The following PDZD2 variants were observed in gnomAD, a reference collection of about 807,000 sequenced individuals.
PDZD2 encodes PDZ domain-containing protein 2.
PDZD2 carries 90 observed loss-of-function variants against 220.7 expected under a neutral mutation model. The observed-to-expected ratio is 0.41, with a 90% CI of 0.34 to 0.49. PDZD2 has a LOEUF of 0.49. PDZD2 is among the 20% of genes least tolerant of loss of function. The pLI is 0.28. For missense variants in PDZD2, 3,174 were observed against 3,608.5 expected, an observed-to-expected ratio of 0.88 and a Z score of 3.08; for synonymous variants, 1,375 against 1,450.5, an observed-to-expected ratio of 0.95 and a Z score of 1.18.
intron 2 of PDZD2, among the ~76,000 whole-genome samples, chr5:31,898,812 T>C (rs1217174570): frequency 6.7e-5 from 10 of 149,952 alleles, no homozygotes; most frequent in African/African-American, 2.2e-4. Flanking sequence ...TCTCTTCTTT[T>C]TTTTTTTTTT....
At chr5:31,767,406 G>A (rs1212585608) in intron 1 of PDZD2, among the ~76,000 whole-genome samples, 3 of 152,228 alleles carry the variant, frequency 2.0e-5, no homozygotes, top group African/African-American at 7.2e-5. Context: ...AGACCATGTG[G>A]TAGACGGCAG....
At chr5:31,877,393 A>AT (rs1561533923) in intron 2 of PDZD2, among the ~76,000 whole-genome samples, 2 of 151,548 alleles carry the variant, frequency 1.3e-5, no homozygotes, top group African/African-American at 2.4e-5. Flanking sequence ...TATTTTTTGG[A>AT]TTTTTGGTAG....
chr5:32,041,786 T>C (rs892979486), intron 7 of PDZD2, among the ~76,000 whole-genome samples: 8 of 150,460 alleles, frequency 5.3e-5, no homozygotes, highest in Non-Finnish European at 1.0e-4. Context: ...TCCACTATTA[T>C]CCTGTGACCC....
At chr5:31,940,886 TTTTCC>T (rs1746155562) in intron 2 of PDZD2, among the ~76,000 whole-genome samples, 3 of 152,162 alleles carry the variant, frequency 2.0e-5, no homozygotes. Context: ...TGTATTGTGT[TTTTCC>T]AAGGCTTGCC....
chr5:31,822,602 A>T, intron 2 of PDZD2: 2 of 1,247,824 alleles, frequency 1.6e-6, no homozygotes, highest in Non-Finnish European at 2.3e-6. Flanking sequence ...AGAGACATAG[A>T]TACCATCCAA....
intron 7 of PDZD2, among the ~76,000 whole-genome samples, chr5:32,043,373 G>T (rs1455889065): frequency 6.6e-6 from 1 of 152,218 alleles, no homozygotes; most frequent in Non-Finnish European, 1.5e-5. Flanking sequence ...AGCAGAACAG[G>T]GTCGGTTCCC....
In PDZD2 at chr5:32,089,417, A is replaced by G. The variant is rs760252055; in HGVS notation, c.5969A>G (p.Lys1990Arg). The G allele has an allele frequency of 6.2e-7, 1 of 1,613,986 alleles. No homozygotes were observed. Among genetic ancestry groups the G allele is most frequent in the South Asian group, 1.1e-5 (1 of 91,076 alleles). ...RTFVSPLTSPKPVPEQGMWSR... is the reference protein window; with the variant it reads ...RTFVSPLTSPRPVPEQGMWSR... ...TTTGTCTCGCCCCTGACCTCTCCCA[A>G]GCCTGTTCCTGAGCAAGGCATGTGG... The change falls in exon 20 of 25, where the codon AAG becomes AGG. Residue 1990 changes from lysine to arginine, a missense_variant. Lys to Arg is a conservative substitution (Grantham distance 26, BLOSUM62 2). This residue lies in a region of PDZD2 where 1,861 missense variants were observed against 2,001.0 expected (regional missense o/e 0.93). Transcript: ENST00000438447.
Position 32,002,945 on chromosome 5 carries a change from ACACACACAC to A in PDZD2, c.1254+2684_1254+2692del, listed in dbSNP as rs1436031449. Among the ~76,000 whole-genome samples the A allele has an allele frequency of 7.6e-3, 725 of 95,526 alleles. 12 individuals are homozygous for A. The highest frequency in any genetic ancestry group is 0.028 in the African/African-American group (680 of 23,956). The allele number at this position is 95,526 out of a possible 152,430, so 62.7% of individuals were successfully genotyped here. On this transcript the variant is annotated intron_variant, in intron 5 of 24. Coordinates refer to ENST00000438447, the MANE Select transcript of PDZD2 (RefSeq NM_178140.4). ...CACACACACCTCACACACCACGAAC[ACACACACAC>A]CACACACACACCAACACACACACAC...
At chr5:31,915,630 G>C (rs1384833114) in intron 2 of PDZD2, among the ~76,000 whole-genome samples, 1 of 152,158 alleles carries the variant, frequency 6.6e-6, no homozygotes, top group African/African-American at 2.4e-5. Context: ...AAGACCCAGG[G>C]CCCAGGATGT....
At chr5:31,822,266 G>A (rs1397945609) in intron 2 of PDZD2, among the ~76,000 whole-genome samples, 1 of 135,382 alleles carries the variant, frequency 7.4e-6, no homozygotes, top group Non-Finnish European at 1.6e-5. Flanking sequence ...TTTTTTTCAC[G>A]CAATCTTTTT....
At chr5:31,736,273 T>C (rs1028743706) in intron 1 of PDZD2, among the ~76,000 whole-genome samples, 1 of 152,230 alleles carries the variant, frequency 6.6e-6, no homozygotes, top group Admixed American at 6.5e-5. Flanking sequence ...GCTCGCGTTC[T>C]GCCTGGAAGT....
chr5:31,673,848 G>T lies in PDZD2; in HGVS notation c.-361+34411G>T, dbSNP rs1252753480. 2.0e-5 allele frequency among the ~76,000 whole-genome samples: 3 copies of T among 152,164 alleles called. No individual in the cohort carries two copies. The East Asian group carries it at 5.8e-4, about 29-fold the overall frequency. On this transcript the variant is annotated intron_variant, in intron 1 of 24. Transcript: ENST00000438447. The stretch of plus-strand genomic sequence containing the variant: ...TAGCTGGGTGTGGTGGTGCACACCT[G>T]TAATCCCAGCTACTCGGGAGGCTGA...
intron 1 of PDZD2, among the ~76,000 whole-genome samples, chr5:31,704,471 TA>T (rs1457112981): frequency 6.6e-6 from 1 of 152,258 alleles, no homozygotes; most frequent in African/African-American, 2.4e-5. Flanking sequence ...CTCATTTCAG[TA>T]AGGACCCTTC....
At chr5:32,021,403 T>A (rs919722909) in intron 6 of PDZD2, among the ~76,000 whole-genome samples, 1 of 152,046 alleles carries the variant, frequency 6.6e-6, no homozygotes, top group Non-Finnish European at 1.5e-5. Flanking sequence ...TTCAAGCAAT[T>A]CTCATGCCTC....
chr5:31,967,978 A>C (rs1748910331), intron 2 of PDZD2, among the ~76,000 whole-genome samples: 1 of 152,220 alleles, frequency 6.6e-6, no homozygotes, highest in Non-Finnish European at 1.5e-5. Context: ...GGTAACATGA[A>C]TATATTAGCA....
chr5:32,098,772 G>A lies in PDZD2; in HGVS notation c.8218+138G>A. The A allele has an allele frequency of 1.3e-6, 1 of 778,518 alleles. No individual in the cohort carries two copies. Among genetic ancestry groups the A allele is most frequent in the Non-Finnish European group, 2.0e-6 (1 of 499,664 alleles). The allele number at this position is 778,518 out of a possible 1,614,324, so 48.2% of individuals were successfully genotyped here. The stretch of plus-strand genomic sequence containing the variant: ...AATGTAGCGAAGTCTAGTGTGTTTG[G>A]ATGCTGCTTACAAAAGCAGTGTTAC... On this transcript the variant is annotated intron_variant, in intron 23 of 24. Coordinates refer to ENST00000438447, the MANE Select transcript of PDZD2 (RefSeq NM_178140.4). The surrounding 1 kb of genome is among the most constrained non-coding windows in gnomAD (Gnocchi z 4.1).
chr5:31,833,436 G>A (rs940120317), intron 2 of PDZD2, among the ~76,000 whole-genome samples: 3 of 151,836 alleles, frequency 2.0e-5, no homozygotes, highest in Non-Finnish European at 4.4e-5. Flanking sequence ...CCACTGCACT[G>A]TAGCCTGGGC....
intron 2 of PDZD2, among the ~76,000 whole-genome samples, chr5:31,889,935 T>C (rs868177462): frequency 4.0e-5 from 6 of 151,788 alleles, no homozygotes; most frequent in South Asian, 4.1e-4. Context: ...GGCAGGAGAA[T>C]TGCTTGAACC....
chr5:32,077,471 G>C lies in PDZD2; in HGVS notation c.3547G>C (p.Gly1183Arg). The change falls in exon 19 of 25, where the codon GGA (glycine) becomes CGA (arginine). Residue 1183 changes from glycine (G) to arginine (R), a missense_variant. Gly to Arg is a moderately radical substitution (Grantham distance 125, BLOSUM62 -2). Transcript: ENST00000438447. ...GTTGTCATTGTGCCAGGAATCTCTG[G>C]GAAAGCTGACCACTGGAGATGCTTG... ...PGGAVEKESLGKLTTGDACVS... is the reference protein window; with the variant it reads ...PGGAVEKESLRKLTTGDACVS... 1 of 1,613,802 alleles carries C rather than the reference G, an allele frequency of 6.2e-7. No homozygotes were observed.
Sources: gnomAD v4.1 joint callset for allele counts (sites outside exome capture counted in the v4.1 genomes callset) on GRCh38, gnomAD v4.1.1 for gene constraint, gnomAD v4.1.1 regional missense constraint, Gnocchi (gnomAD v3.1) non-coding constraint, MANE v1.5 for transcripts, NCBI Gene and HGNC (gene_info 2026-07-23, HGNC 2026-07-21) for gene names.